The following ATL1 variants were observed in gnomAD, a reference collection of about 807,000 sequenced individuals.
ATL1 encodes atlastin-1.
Under a neutral mutation model 75.5 loss-of-function variants are expected in ATL1, and 31 were observed. That is an observed-to-expected ratio of 0.41 (90% CI 0.31 to 0.55). The LOEUF (loss-of-function observed/expected upper bound fraction) is 0.55. Among genes scored for constraint, ATL1 ranks in the 20% least tolerant of loss-of-function variants. The probability of loss-of-function intolerance (pLI) is 0.27; values close to 1 mark genes in which losing one functional copy is unlikely to be tolerated. For missense variants in ATL1, 405 were observed against 662.6 expected (o/e 0.61, Z 4.27); for synonymous variants, 226 against 233.3 (o/e 0.97, Z 0.28).
intron 12 of ATL1, among the ~76,000 whole-genome samples, chr14:50,629,318 A>C (rs1391201083): frequency 6.6e-6 from 1 of 152,156 alleles, no homozygotes; most frequent in Non-Finnish European, 1.5e-5. Context: ...GCGGTGGCTC[A>C]CGCCTGTAAT....
rs376718766 is a variant in ATL1, at chr14:50,591,267, T to C, written c.417+192T>C. ...AGAGTAGGCGAAATTATAACGATGA[T>C]AGAACAGCAGATCAGCAAGTAACAT... On this transcript the variant is annotated intron_variant, in intron 3 of 13. Transcript: ENST00000358385. 3.3e-5 allele frequency among the ~76,000 whole-genome samples: 5 copies of C among 152,210 alleles called. No individual in the cohort carries two copies. In the East Asian group the frequency reaches 5.8e-4, roughly 18 times the overall value.
At chr14:50,614,883 G>A (rs2039400298) in intron 8 of ATL1, among the ~76,000 whole-genome samples, 1 of 152,180 alleles carries the variant, frequency 6.6e-6, no homozygotes, top group Non-Finnish European at 1.5e-5. Flanking sequence ...ATTAAGTTAT[G>A]TAATTAGAGA....
intron 1 of ATL1, among the ~76,000 whole-genome samples, chr14:50,582,870 T>C (rs899352810): frequency 3.3e-5 from 5 of 152,202 alleles, no homozygotes; most frequent in African/African-American, 1.2e-4. Flanking sequence ...TCCAACATTA[T>C]ACTATACCCT....
upstream of ATL1, among the ~76,000 whole-genome samples, chr14:50,555,201 A>T (rs1232154734): frequency 2.0e-5 from 3 of 152,224 alleles, no homozygotes; most frequent in African/African-American, 7.2e-5. Flanking sequence ...CCATCATGGA[A>T]CATATGATAG....
At chr14:50,589,618 G>C (rs1017321888) in intron 2 of ATL1, among the ~76,000 whole-genome samples, 1 of 152,144 alleles carries the variant, frequency 6.6e-6, no homozygotes, top group East Asian at 1.9e-4. Context: ...TGAGGAATAA[G>C]TATAATATAT....
At chr14:50,556,223 G>GT (rs550195073), upstream of ATL1, among the ~76,000 whole-genome samples, 1,143 of 152,116 alleles carry the variant, frequency 7.5e-3, 8 homozygotes, top group Non-Finnish European at 0.012. Context: ...ATTCAGTGGA[G>GT]TTTTTTTGTT....
At chr14:50,607,658 A>T (rs2140221143) in intron 6 of ATL1, among the ~76,000 whole-genome samples, 1 of 152,206 alleles carries the variant, frequency 6.6e-6, no homozygotes, top group Admixed American at 6.6e-5. Flanking sequence ...TACATGTATT[A>T]AAAACCAGTT....
chr14:50,590,034 A>T (rs2039141128), intron 2 of ATL1, among the ~76,000 whole-genome samples: 1 of 152,216 alleles, frequency 6.6e-6, no homozygotes, highest in Admixed American at 6.5e-5. Context: ...TCCATGCCTT[A>T]TCCAACTTGA....
chr14:50,632,080 G>T, intron 13 of ATL1, 149 bp from the exon 14 acceptor site: 1 of 545,454 alleles, frequency 1.8e-6, no homozygotes, highest in Non-Finnish European at 3.3e-6. Flanking sequence ...AAATACTTTT[G>T]AATTTTAAGA....
intron 4 of ATL1, among the ~76,000 whole-genome samples, chr14:50,593,058 C>T (rs1188383598): frequency 6.6e-6 from 1 of 150,512 alleles, no homozygotes; most frequent in Non-Finnish European, 1.5e-5. Flanking sequence ...CTTTAAAATA[C>T]TGACTTAATC....
chr14:50,576,683 C>T (rs2039009019), intron 1 of ATL1, among the ~76,000 whole-genome samples: 1 of 152,166 alleles, frequency 6.6e-6, no homozygotes, highest in African/African-American at 2.4e-5. Flanking sequence ...CCAAGTGATC[C>T]TTCTACCTCA....
At chr14:50,629,518 T>C (rs1595626411) in intron 12 of ATL1, among the ~76,000 whole-genome samples, 1 of 150,602 alleles carries the variant, frequency 6.6e-6, no homozygotes, top group African/African-American at 2.5e-5. Flanking sequence ...AAGGCGGAGG[T>C]TGCACTGAGC....
chr14:50,573,452 A>G (rs1362484494), intron 1 of ATL1, among the ~76,000 whole-genome samples: 2 of 152,346 alleles, frequency 1.3e-5, no homozygotes, highest in Non-Finnish European at 2.9e-5. Context: ...ATTGATTTAA[A>G]TAGTCACATA....
rs1277393390 is a variant in ATL1, at chr14:50,597,227, AAAAAAAG to A, written c.630+1612_630+1618del. The stretch of plus-strand genomic sequence containing the variant: ...CTGTCTCAAAAAAACAAACAAAAAA[AAAAAAAG>A]AAAAAAGAAAAAAGAATAACAGACA... On this transcript the variant is annotated intron_variant, in intron 6 of 13. Coordinates refer to ENST00000358385, the MANE Select transcript of ATL1 (RefSeq NM_015915.5). 1.1e-3 allele frequency among the ~76,000 whole-genome samples: 171 copies of A among 150,498 alleles called. 1 individual carries two copies. The highest frequency in any genetic ancestry group is 3.5e-3 in the African/African-American group (145 of 41,082).
At chr14:50,568,797 A>G (rs1013430878) in intron 1 of ATL1, among the ~76,000 whole-genome samples, 3 of 151,872 alleles carry the variant, frequency 2.0e-5, no homozygotes, top group Non-Finnish European at 2.9e-5. Flanking sequence ...GTTGATTTTT[A>G]TAGTGTAATG....
At chr14:50,577,426 T>C (rs1008097911) in intron 1 of ATL1, among the ~76,000 whole-genome samples, 1 of 152,232 alleles carries the variant, frequency 6.6e-6, no homozygotes, top group Admixed American at 6.5e-5. Context: ...ATTTTTAGTC[T>C]AGTTTTTCGG....
chr14:50,571,436 T>C (rs976930242), intron 1 of ATL1, among the ~76,000 whole-genome samples: 1 of 152,200 alleles, frequency 6.6e-6, no homozygotes, highest in Admixed American at 6.5e-5. Flanking sequence ...TTTAATGGAT[T>C]CCAGAGTTCT....
At chr14:50,588,926 T>C (rs958590148) in intron 2 of ATL1, among the ~76,000 whole-genome samples, 5 of 152,168 alleles carry the variant, frequency 3.3e-5, no homozygotes, top group African/African-American at 1.2e-4. Flanking sequence ...GGTAATACCT[T>C]ATTGGAAAAA....
At chr14:50,534,819 A>G (rs370054822) in intron 1 of ATL1, among the ~76,000 whole-genome samples, 27 of 152,394 alleles carry the variant, frequency 1.8e-4, no homozygotes, top group East Asian at 9.6e-4. Flanking sequence ...TGGTTGAGTT[A>G]ATTTTAACAA....
Sources: gnomAD v4.1 joint callset for allele counts (sites outside exome capture counted in the v4.1 genomes callset) on GRCh38, gnomAD v4.1.1 for gene constraint, MANE v1.5 for transcripts, NCBI Gene and HGNC (gene_info 2026-07-23, HGNC 2026-07-21) for gene names.